TNNI3K: variants seen among roughly 807,000 people sequenced by gnomAD.
The protein encoded by TNNI3K is serine/threonine-protein kinase TNNI3K.
TNNI3K carries 140 observed loss-of-function variants against 114.5 expected under a neutral mutation model. The observed-to-expected ratio is 1.22, with a 90% CI of 1.07 to 1.41. TNNI3K has a LOEUF of 1.41. Among genes scored for constraint, TNNI3K ranks in the 40% most tolerant of loss-of-function variants. The pLI is 0.00. For synonymous variants in TNNI3K, 347 were observed against 347.5 expected (o/e 1.00, Z 0.02); for missense variants, 1,125 against 1,007.6 (o/e 1.12, Z -1.58).
At chr1:74,252,311 A>G (rs1177533667) in intron 4 of TNNI3K, among the ~76,000 whole-genome samples, 1 of 152,218 alleles carries the variant, frequency 6.6e-6, no homozygotes, top group Non-Finnish European at 1.5e-5. Flanking sequence ...TGCATAAACT[A>G]TAACTTTTTC....
chr1:74,235,715 T>C (rs2100819235), intron 1 of TNNI3K, among the ~76,000 whole-genome samples: 1 of 151,594 alleles, frequency 6.6e-6, no homozygotes, highest in East Asian at 1.9e-4. Context: ...AGTTCCTTGG[T>C]ATAATGTTAC....
At chr1:74,396,009 G>A (rs1285912184) in intron 17 of TNNI3K, among the ~76,000 whole-genome samples, 1 of 152,202 alleles carries the variant, frequency 6.6e-6, no homozygotes, top group Non-Finnish European at 1.5e-5. Flanking sequence ...CCTCACAAGA[G>A]GAGATGGGTT....
intron 5 of TNNI3K, among the ~76,000 whole-genome samples, chr1:74,324,952 A>G (rs1430365587): frequency 6.6e-6 from 1 of 152,140 alleles, no homozygotes; most frequent in East Asian, 1.9e-4. Flanking sequence ...GGTGGGAGAA[A>G]CTATAGGGAA....
chr1:74,494,480 C>T (rs1393283280), intron 23 of TNNI3K, among the ~76,000 whole-genome samples: 3 of 152,126 alleles, frequency 2.0e-5, no homozygotes, highest in African/African-American at 7.2e-5. Context: ...ATTTTAGTCT[C>T]TTGTATAATT....
chr1:74,401,481 T>G (rs1050658722), intron 17 of TNNI3K, among the ~76,000 whole-genome samples: 1 of 152,212 alleles, frequency 6.6e-6, no homozygotes, highest in Non-Finnish European at 1.5e-5. Context: ...AGAAAATATA[T>G]AAATAGCTTG....
At chr1:74,329,099 A>C (rs891456362) in intron 5 of TNNI3K, among the ~76,000 whole-genome samples, 4 of 152,122 alleles carry the variant, frequency 2.6e-5, no homozygotes, top group Non-Finnish European at 5.9e-5. Context: ...ATTTACTTAA[A>C]GGTTAGTGTT....
At chr1:74,473,857 A>C (rs531365973) in intron 21 of TNNI3K, among the ~76,000 whole-genome samples, 1 of 152,294 alleles carries the variant, frequency 6.6e-6, no homozygotes, top group South Asian at 2.1e-4. Flanking sequence ...AAAGATAAAC[A>C]TTAAGAACTA....
intron 21 of TNNI3K, among the ~76,000 whole-genome samples, chr1:74,481,151 C>T (rs1473429317): frequency 6.6e-6 from 1 of 152,130 alleles, no homozygotes; most frequent in Non-Finnish European, 1.5e-5. Flanking sequence ...GGCTATATAT[C>T]AAAATGATGG....
intron 3 of TNNI3K, among the ~76,000 whole-genome samples, 172 bp downstream of exon 3, chr1:74,249,716 T>A (rs1421439515): frequency 6.6e-6 from 1 of 152,228 alleles, no homozygotes; most frequent in Non-Finnish European, 1.5e-5. Context: ...AGGCAGAATA[T>A]TCCAATTGAT....
chr1:74,349,522 A>G (rs1251403381), intron 9 of TNNI3K, among the ~76,000 whole-genome samples: 1 of 152,060 alleles, frequency 6.6e-6, no homozygotes, highest in Admixed American at 6.5e-5. Flanking sequence ...TTTTCTATTG[A>G]TTGGAATAGT....
chr1:74,496,620 ATTC>A (rs1669340489), intron 23 of TNNI3K, among the ~76,000 whole-genome samples: 2 of 151,894 alleles, frequency 1.3e-5, no homozygotes, highest in South Asian at 4.1e-4. Flanking sequence ...AATTATTATT[ATTC>A]TTTATAAATA....
At chr1:74,254,072 A>G (rs987570622) in intron 4 of TNNI3K, among the ~76,000 whole-genome samples, 6 of 152,226 alleles carry the variant, frequency 3.9e-5, no homozygotes, top group African/African-American at 1.4e-4. Flanking sequence ...TTTTAATATT[A>G]TTTCAAACTT....
Position 74,367,350 on chromosome 1 carries a change from T to G in TNNI3K, c.1264+8T>G, listed in dbSNP as rs1429338585. On this transcript the variant is annotated splice_region_variant and intron_variant, in intron 12 of 24. Transcript: ENST00000326637. ...ATTCTCAGCCTGGAGGAGGTACCCC[T>G]TTTCTTATTCAGTTTTCATTATTGT... is the stretch of plus-strand genomic sequence containing the variant. 6.2e-7 allele frequency: 1 copy of G among 1,611,176 alleles called. No homozygotes were observed. The highest frequency in any genetic ancestry group is 8.5e-7 in the Non-Finnish European group (1 of 1,178,208).
chr1:74,421,263 T>C (rs769244070), intron 17 of TNNI3K, among the ~76,000 whole-genome samples: 5 of 152,122 alleles, frequency 3.3e-5, no homozygotes, highest in African/African-American at 4.8e-5. Flanking sequence ...GACTTCTAAT[T>C]GCGAAGATTT....
At chr1:74,537,725 G>A (rs1462363706) in intron 23 of TNNI3K, among the ~76,000 whole-genome samples, 1 of 152,090 alleles carries the variant, frequency 6.6e-6, no homozygotes, top group Non-Finnish European at 1.5e-5. Context: ...CTACCCTAAG[G>A]CAGATTCTGA....
chr1:74,358,830 A>G (rs1396540396), intron 11 of TNNI3K, among the ~76,000 whole-genome samples: 2 of 135,418 alleles, frequency 1.5e-5, no homozygotes, highest in Non-Finnish European at 3.5e-5. Flanking sequence ...CAGGGAGATA[A>G]CTCACAAAAA....
chr1:74,376,308 A>G (rs1171110803), intron 17 of TNNI3K, among the ~76,000 whole-genome samples: 1 of 151,980 alleles, frequency 6.6e-6, no homozygotes, highest in Non-Finnish European at 1.5e-5. Context: ...AAATAAACAA[A>G]TTGTTAATTT....
chr1:74,265,096 T>C (rs1375562616), intron 4 of TNNI3K, among the ~76,000 whole-genome samples: 2 of 151,968 alleles, frequency 1.3e-5, no homozygotes, highest in African/African-American at 2.4e-5. Context: ...TCAGAAGACC[T>C]GATTTCAAAT....
At chr1:74,366,453 A>G (rs1261713939) in intron 11 of TNNI3K, 1 of 151,970 alleles carries the variant, frequency 6.6e-6, no homozygotes, top group Non-Finnish European at 1.5e-5. Flanking sequence ...TGGTGTTATA[A>G]TAGAAAAGTA....
Sources: allele counts gnomAD v4.1 joint callset (sites outside exome capture counted in the v4.1 genomes callset), GRCh38; gene constraint gnomAD v4.1.1; transcripts MANE v1.5; gene names NCBI Gene and HGNC (gene_info 2026-07-23, HGNC 2026-07-21).